CDK14: variants seen among roughly 807,000 people sequenced by gnomAD.
CDK14 encodes cyclin dependent kinase 14.
A neutral mutation model predicts 60.7 loss-of-function variants in CDK14; 34 were observed. The ratio of observed to expected loss-of-function variants is 0.56; its 90% CI spans 0.43 to 0.75. The LOEUF (loss-of-function observed/expected upper bound fraction) is 0.75. Among genes scored for constraint, CDK14 ranks in the 30% least tolerant of loss-of-function variants. CDK14 has a pLI of 0.00. For synonymous variants in CDK14, 197 were observed against 203.7 expected, an observed-to-expected ratio of 0.97 and a Z score of 0.28; for missense variants, 482 against 564.1, an observed-to-expected ratio of 0.85 and a Z score of 1.47.
intron 10 of CDK14, among the ~76,000 whole-genome samples, chr7:91,034,469 A>AT (rs533666272): frequency 2.6e-4 from 40 of 152,134 alleles, no homozygotes; most frequent in African/African-American, 8.9e-4. Context: ...AATTGAACTC[A>AT]TTTTTTAAAA....
intron 11 of CDK14, among the ~76,000 whole-genome samples, chr7:91,058,761 A>C (rs1227202804): frequency 6.6e-6 from 1 of 152,196 alleles, no homozygotes; most frequent in Non-Finnish European, 1.5e-5. Context: ...AGCCCACTTG[A>C]TCATGATGGA....
chr7:90,790,460 G>A, intron 4 of CDK14, 113 bp from the exon 5 acceptor site: 1 of 611,222 alleles, frequency 1.6e-6, no homozygotes, highest in South Asian at 2.8e-5. Flanking sequence ...TTGAATCACT[G>A]ACATTTTTAG....
At chr7:90,812,283 A>C (rs1179625328) in intron 5 of CDK14, among the ~76,000 whole-genome samples, 3 of 152,260 alleles carry the variant, frequency 2.0e-5, no homozygotes, top group Non-Finnish European at 4.4e-5. Flanking sequence ...AATACTATGC[A>C]GCTATAAAAA....
At chr7:90,663,270 C>T (rs1272391849) in intron 2 of CDK14, among the ~76,000 whole-genome samples, 4 of 152,194 alleles carry the variant, frequency 2.6e-5, no homozygotes, top group African/African-American at 9.7e-5. Context: ...TACATATTCA[C>T]ACTCTCTCTC....
intron 14 of CDK14, among the ~76,000 whole-genome samples, chr7:91,184,149 G>A (rs1201741407): frequency 7.5e-6 from 1 of 132,958 alleles, no homozygotes; most frequent in Non-Finnish European, 1.5e-5. Flanking sequence ...AGGTTGCAGT[G>A]AGCCGAGATT....
intron 10 of CDK14, among the ~76,000 whole-genome samples, chr7:91,017,110 C>A (rs1004112534): frequency 1.8e-4 from 27 of 152,140 alleles, no homozygotes; most frequent in Non-Finnish European, 3.4e-4. Flanking sequence ...TTTAAGTACA[C>A]AGGTCTATTT....
At chr7:91,076,073 C>G (rs1430597141) in intron 11 of CDK14, among the ~76,000 whole-genome samples, 5 of 151,272 alleles carry the variant, frequency 3.3e-5, no homozygotes, top group Admixed American at 6.6e-5. Flanking sequence ...AAAGCTATCC[C>G]CATCAAGCTA....
intron 13 of CDK14, among the ~76,000 whole-genome samples, chr7:91,115,635 A>G (rs370335466): frequency 3.3e-5 from 5 of 152,192 alleles, no homozygotes; most frequent in Admixed American, 3.3e-4. Context: ...AAGTCAGGTT[A>G]AAAGGAGAAG....
chr7:90,763,544 G>A (rs934557099), intron 4 of CDK14, among the ~76,000 whole-genome samples: 1 of 151,954 alleles, frequency 6.6e-6, no homozygotes, highest in African/African-American at 2.4e-5. Context: ...AGTTCTCTCA[G>A]CTATCTGTTC....
chr7:91,118,073 A>G lies in CDK14; in HGVS notation c.1303A>G (p.Ile435Val). Reference sequence around the variant, plus strand: ...TCATATTCTGTCCACAGTGTCTTCTATTTTTACTGTCCCAAATGTGAGATT... The same window carrying G: ...TCATATTCTGTCCACAGTGTCTTCTGTTTTTACTGTCCCAAATGTGAGATT... ...RLWELTDMSSIFTVPNVRLQP... is the reference protein window; with the variant it reads ...RLWELTDMSSVFTVPNVRLQP... Residue 435 changes from isoleucine to valine, a missense_variant, in exon 14 of 15, where the codon ATT becomes GTT. By Grantham distance (29) the Ile-to-Val change is conservative (BLOSUM62 3). Transcript: ENST00000380050. The G allele has an allele frequency of 1.2e-6, 2 of 1,602,152 alleles. No homozygotes were observed. The highest frequency in any genetic ancestry group is 1.7e-6 in the Non-Finnish European group (2 of 1,169,452).
chr7:90,905,329 G>A (rs1054646139), intron 7 of CDK14, among the ~76,000 whole-genome samples: 1 of 152,144 alleles, frequency 6.6e-6, no homozygotes, highest in Non-Finnish European at 1.5e-5. Context: ...TGTTGAATTA[G>A]TAGTGGCCAC....
Position 90,655,835 on chromosome 7 carries a change from G to C in CDK14, c.123+51586G>C, listed in dbSNP as rs533236939. On this transcript the variant is annotated intron_variant, in intron 2 of 14. Transcript: ENST00000380050. Reference sequence around the variant, plus strand: ...GTGAATTTGCCAACCTTTCATCAGAGACTTTGACTCATGCTGAAACACCCT... The same window carrying C: ...GTGAATTTGCCAACCTTTCATCAGACACTTTGACTCATGCTGAAACACCCT... Among the ~76,000 whole-genome samples, 3 of 152,294 alleles carry C rather than the reference G, an allele frequency of 2.0e-5. No individual in the cohort carries two copies. In the East Asian group the frequency reaches 5.8e-4, roughly 29 times the overall value.
At chr7:90,849,153 C>T (rs533944391) in intron 5 of CDK14, among the ~76,000 whole-genome samples, 6 of 152,174 alleles carry the variant, frequency 3.9e-5, no homozygotes, top group Admixed American at 1.3e-4. Context: ...TGGCTTGGTG[C>T]TCTTACGGGG....
intron 2 of CDK14, chr7:90,709,905 A>T (rs1801999768): frequency 1.6e-6 from 2 of 1,243,330 alleles, no homozygotes; most frequent in Non-Finnish European, 2.0e-6. Context: ...ATTGCTAGAG[A>T]CATGTTAAAG....
chr7:90,921,688 G>A (rs989378046), intron 8 of CDK14, among the ~76,000 whole-genome samples: 5 of 152,000 alleles, frequency 3.3e-5, no homozygotes, highest in Admixed American at 2.6e-4. Flanking sequence ...GAGAGACAGC[G>A]AGAATTCTAT....
chr7:90,784,014 G>T (rs1312259582), intron 4 of CDK14, among the ~76,000 whole-genome samples: 1 of 152,172 alleles, frequency 6.6e-6, no homozygotes, highest in East Asian at 1.9e-4. Flanking sequence ...TCAAGGTATG[G>T]AATCAGCTTA....
At chr7:90,959,887 G>A (rs1193029904) in intron 9 of CDK14, among the ~76,000 whole-genome samples, 4 of 152,076 alleles carry the variant, frequency 2.6e-5, no homozygotes, top group African/African-American at 9.7e-5. Flanking sequence ...ATCTCCCTCT[G>A]TAAAGGAAAT....
chr7:90,987,007 A>G (rs1795389098), intron 10 of CDK14, among the ~76,000 whole-genome samples: 1 of 115,102 alleles, frequency 8.7e-6, no homozygotes. Flanking sequence ...AGGAAAAGAA[A>G]TTGTTATATA....
chr7:90,839,460 G>A (rs1287134172), intron 5 of CDK14, among the ~76,000 whole-genome samples: 3 of 152,132 alleles, frequency 2.0e-5, no homozygotes, highest in African/African-American at 4.8e-5. Context: ...AGTGACGAAG[G>A]TTGTATACAG....
Sources: gnomAD v4.1 joint callset for allele counts (sites outside exome capture counted in the v4.1 genomes callset) on GRCh38, gnomAD v4.1.1 for gene constraint, MANE v1.5 for transcripts, NCBI Gene and HGNC (gene_info 2026-07-23, HGNC 2026-07-21) for gene names.